The following VMP1 variants were observed in gnomAD, a reference collection of about 807,000 sequenced individuals.
The protein encoded by VMP1 is vacuole membrane protein 1, also known as ectopic P-granules autophagy protein 3 homolog.
In VMP1, 11 loss-of-function variants were observed where a neutral mutation model predicts 56.0. The observed-to-expected ratio is 0.20, with a 90% CI of 0.12 to 0.32. The LOEUF is 0.32. Among genes scored for constraint, VMP1 ranks in the 10% least tolerant of loss-of-function variants. The probability of loss-of-function intolerance (pLI) is 1.00; values close to 1 mark genes in which losing one functional copy is unlikely to be tolerated. For missense variants in VMP1, 296 were observed against 490.3 expected (o/e 0.60, Z 3.74); for synonymous variants, 149 against 165.0 (o/e 0.90, Z 0.74).
chr17:59,816,400 T>C (rs2038232091), intron 9 of VMP1, among the ~76,000 whole-genome samples: 1 of 152,364 alleles, frequency 6.6e-6, no homozygotes, highest in Non-Finnish European at 1.5e-5. Flanking sequence ...GCTAGCTTCA[T>C]AATATTCACA....
intron 6 of VMP1, among the ~76,000 whole-genome samples, chr17:59,773,521 C>G (rs570674083): frequency 7.2e-5 from 11 of 151,950 alleles, no homozygotes; most frequent in Non-Finnish European, 1.2e-4. Flanking sequence ...AGGTGCGTGC[C>G]CACTGTGCCT....
intron 1 of VMP1, among the ~76,000 whole-genome samples, chr17:59,710,344 T>TC (rs758062099): frequency 2.0e-5 from 3 of 152,164 alleles, no homozygotes; most frequent in Non-Finnish European, 2.9e-5. Flanking sequence ...TTGCTTGAGG[T>TC]CATCTGGCTT....
intron 2 of VMP1, among the ~76,000 whole-genome samples, chr17:59,734,868 C>T (rs945284104): frequency 6.9e-6 from 1 of 145,476 alleles, no homozygotes; most frequent in Admixed American, 6.8e-5. Context: ...TACTGTCATT[C>T]ATCTTCTTTC....
chr17:59,820,248 C>T (rs7220187), intron 10 of VMP1, among the ~76,000 whole-genome samples: 19,178 of 152,084 alleles, frequency 0.13, 1,461 homozygotes, highest in Middle Eastern at 0.22. Flanking sequence ...ATTTGAGTCT[C>T]CCACCACTGG....
intron 3 of VMP1, 115 bp downstream of exon 3, chr17:59,735,588 A>G: frequency 9.0e-7 from 1 of 1,107,086 alleles, no homozygotes; most frequent in South Asian, 1.6e-5. Flanking sequence ...AATTACCTTT[A>G]GAATATTACC....
At chr17:59,760,772 C>T (rs542498118) in intron 5 of VMP1, among the ~76,000 whole-genome samples, 48 of 152,292 alleles carry the variant, frequency 3.2e-4, no homozygotes, top group South Asian at 8.3e-4. Context: ...AGGTGCGCAC[C>T]ACCATACCCA....
At chr17:59,802,008 C>G (rs965482132) in intron 7 of VMP1, among the ~76,000 whole-genome samples, 1 of 152,088 alleles carries the variant, frequency 6.6e-6, no homozygotes, top group African/African-American at 2.4e-5. Flanking sequence ...CGAGACCAGT[C>G]TGGCCAACAT....
intron 9 of VMP1, among the ~76,000 whole-genome samples, chr17:59,816,521 T>C (rs1228130662): frequency 6.6e-6 from 1 of 152,248 alleles, no homozygotes; most frequent in Non-Finnish European, 1.5e-5. Context: ...AGAAGACTAC[T>C]GTTGGCTGGG....
intron 10 of VMP1, among the ~76,000 whole-genome samples, chr17:59,821,515 A>C (rs540342593): frequency 6.7e-6 from 1 of 149,864 alleles, no homozygotes; most frequent in Non-Finnish European, 1.5e-5. Flanking sequence ...AGCACTGTCT[A>C]CAGGGATTAC....
chr17:59,775,522 A>G (rs778746370), intron 7 of VMP1, among the ~76,000 whole-genome samples: 2 of 150,342 alleles, frequency 1.3e-5, no homozygotes, highest in Non-Finnish European at 3.0e-5. Context: ...GGGTCCCACT[A>G]TGTTGCCCAG....
At chr17:59,835,012 G>A (rs538081358) in intron 10 of VMP1, among the ~76,000 whole-genome samples, 87 of 151,226 alleles carry the variant, frequency 5.8e-4, no homozygotes, top group African/African-American at 1.9e-3. Flanking sequence ...CACCTGCCTC[G>A]GCCTCCCAAA....
intron 1 of VMP1, among the ~76,000 whole-genome samples, chr17:59,712,957 C>A (rs2033987499): frequency 6.6e-6 from 1 of 152,036 alleles, no homozygotes; most frequent in Admixed American, 6.6e-5. Flanking sequence ...AGAAGGGTAG[C>A]AAAGAAGATG....
intron 10 of VMP1, among the ~76,000 whole-genome samples, chr17:59,826,053 T>A (rs1219165408): frequency 3.9e-5 from 6 of 152,206 alleles, no homozygotes; most frequent in African/African-American, 1.4e-4. Flanking sequence ...ACCCCAGCAT[T>A]TGTATTATCT....
chr17:59,739,467 G>C (rs1049993979), intron 5 of VMP1, among the ~76,000 whole-genome samples: 4 of 151,644 alleles, frequency 2.6e-5, no homozygotes, highest in African/African-American at 9.7e-5. Flanking sequence ...GCTCACGCCT[G>C]TAATCCCAGC....
At chr17:59,835,466 A>G (rs1222985497) in intron 10 of VMP1, among the ~76,000 whole-genome samples, 2 of 150,534 alleles carry the variant, frequency 1.3e-5, no homozygotes, top group African/African-American at 4.9e-5. Flanking sequence ...TATGAGAAGG[A>G]AAGTTCTTAT....
chr17:59,717,953 G>A (rs1431553259), intron 1 of VMP1, among the ~76,000 whole-genome samples: 1 of 151,842 alleles, frequency 6.6e-6, no homozygotes, highest in East Asian at 1.9e-4. Context: ...CAGACCCAGG[G>A]CAGTTTATAA....
Position 59,799,858 on chromosome 17 carries a change from GA to G in VMP1, c.715-8937del. Reference sequence around the variant, plus strand: ...GGCCCCTGTAGTCCCAGCTACTCGGGAGGCTGAGGCAGGAGAATCACTTGAA... The same window carrying G: ...GGCCCCTGTAGTCCCAGCTACTCGGGGGCTGAGGCAGGAGAATCACTTGAA... On this transcript the variant is annotated intron_variant, in intron 7 of 11. Coordinates refer to ENST00000262291, the MANE Select transcript of VMP1 (RefSeq NM_030938.5). Among the ~76,000 whole-genome samples, 3 of 151,788 alleles carry G rather than the reference GA, an allele frequency of 2.0e-5. No homozygotes were observed. In the East Asian group the frequency reaches 5.8e-4, roughly 29 times the overall value.
intron 7 of VMP1, among the ~76,000 whole-genome samples, chr17:59,786,657 A>T (rs779945118): frequency 3.9e-5 from 6 of 152,042 alleles, no homozygotes; most frequent in Non-Finnish European, 8.8e-5. Context: ...TTTCCAGTAA[A>T]CTGTTTGAGC....
In VMP1 at chr17:59,822,784, A is replaced by T. The variant is rs545924807; in HGVS notation, c.974+5011A>T. ...AGAGTAGTACTTTATTTCAGAAAAGAGGAGGTGAACAGCTGGATTTCCTCA... is the reference window on the plus strand; with the variant it reads ...AGAGTAGTACTTTATTTCAGAAAAGTGGAGGTGAACAGCTGGATTTCCTCA... On this transcript the variant is annotated intron_variant, in intron 10 of 11. Transcript: ENST00000262291. Among the ~76,000 whole-genome samples the T allele has an allele frequency of 9.0e-4, 137 of 152,328 alleles. 1 individual carries two copies. In the South Asian group the frequency reaches 0.028, roughly 31 times the overall value.
Sources: allele counts gnomAD v4.1 joint callset (sites outside exome capture counted in the v4.1 genomes callset), GRCh38; gene constraint gnomAD v4.1.1; transcripts MANE v1.5; gene names NCBI Gene and HGNC (gene_info 2026-07-23, HGNC 2026-07-21).